DYRK1A: variants seen among roughly 807,000 people sequenced by gnomAD.
The protein encoded by DYRK1A is dual specificity tyrosine phosphorylation regulated kinase 1A.
In DYRK1A, 9 loss-of-function variants were observed where a neutral mutation model predicts 79.7. The ratio of observed to expected loss-of-function variants is 0.11; its 90% CI spans 0.07 to 0.20. The LOEUF is 0.20. Ranked by LOEUF, DYRK1A falls within the 10% of genes least tolerant of loss-of-function variation. The pLI, the probability that DYRK1A is intolerant of heterozygous loss-of-function variation, is 1.00. For synonymous variants in DYRK1A, 349 were observed against 329.7 expected, an observed-to-expected ratio of 1.06 and a Z score of -0.63; for missense variants, 622 against 956.0, an observed-to-expected ratio of 0.65 and a Z score of 4.61.
At chr21:37,503,612 G>A (rs914694548) in intron 9 of DYRK1A, 2 of 152,200 alleles carry the variant, frequency 1.3e-5, no homozygotes, top group African/African-American at 4.8e-5. Context: ...TTGTAGGAAC[G>A]GGGTCTGGCT....
At chr21:37,488,673 A>G (rs1241694800) in intron 6 of DYRK1A, 47 of 985,278 alleles carry the variant, frequency 4.8e-5, no homozygotes, top group Non-Finnish European at 5.7e-5. Context: ...ATACTAAGTA[A>G]ATGAATAAAG....
intron 2 of DYRK1A, among the ~76,000 whole-genome samples, chr21:37,457,559 G>A (rs554839504): frequency 2.0e-5 from 3 of 152,156 alleles, no homozygotes; most frequent in South Asian, 2.1e-4. Flanking sequence ...CTTTTAAAGC[G>A]TCTCTGGTCA....
chr21:37,370,972 A>T (rs1429004701), intron 1 of DYRK1A, among the ~76,000 whole-genome samples: 1 of 152,180 alleles, frequency 6.6e-6, no homozygotes. Flanking sequence ...TGTTATCTTG[A>T]CTGTTGGGCA....
rs1022302776 is a variant in DYRK1A at position 37,525,040 on chromosome 21, A to T, written c.*12509A>T. 6.6e-6 allele frequency: 1 copy of T among 152,370 alleles called. No individual in the cohort carries two copies. The highest frequency in any genetic ancestry group is 1.9e-4 in the East Asian group (1 of 5,212). 9.4% of individuals were successfully genotyped at this position (152,370 alleles called of 1,614,324 possible). On this transcript the variant is annotated 3_prime_UTR_variant, in exon 12 of 12. Coordinates refer to ENST00000647188, the MANE Select transcript of DYRK1A (RefSeq NM_001347721.2). ...CTTGAACCCAGGAGGTGGAGGTTGC[A>T]GTGAGCTGAGATTGCACCACTGTAC...
chr21:37,430,350 G>A (rs936760006), intron 2 of DYRK1A: 3 of 984,692 alleles, frequency 3.0e-6, no homozygotes, highest in African/African-American at 1.7e-5. Context: ...ATGTGATACT[G>A]TGTCACTGAG....
At chr21:37,507,474 T>C (rs1216194837) in intron 11 of DYRK1A, among the ~76,000 whole-genome samples, 1 of 152,186 alleles carries the variant, frequency 6.6e-6, no homozygotes, top group African/African-American at 2.4e-5. Context: ...AAGACCTCTT[T>C]GCTTGTTCCA....
At chr21:37,420,236 C>T (rs2050439173) in intron 1 of DYRK1A, 63 bp from the exon 2 acceptor site, 2 of 541,808 alleles carry the variant, frequency 3.7e-6, no homozygotes, top group Admixed American at 3.6e-5. Flanking sequence ...GTTAGATATT[C>T]CTCAGTTGGG....
intron 10 of DYRK1A, 111 bp downstream of exon 10, chr21:37,505,700 C>T: frequency 2.5e-6 from 3 of 1,191,730 alleles, no homozygotes; most frequent in African/African-American, 1.5e-5. Context: ...GGAGCAGTTA[C>T]TTTACTTAAA....
At chr21:37,390,850 G>A (rs538538784) in intron 1 of DYRK1A, among the ~76,000 whole-genome samples, 1 of 152,296 alleles carries the variant, frequency 6.6e-6, no homozygotes, top group Non-Finnish European at 1.5e-5. Context: ...GATTACAGGC[G>A]TGAGCCACCA....
intron 1 of DYRK1A, among the ~76,000 whole-genome samples, chr21:37,416,264 T>C (rs2050335794): frequency 6.6e-6 from 1 of 151,746 alleles, no homozygotes; most frequent in Admixed American, 6.6e-5. Context: ...CCTGTAGTTT[T>C]ACTAACCATT....
Position 37,378,739 on chromosome 21 carries a change from A to G in DYRK1A, c.-77+11111A>G, listed in dbSNP as rs142353941. On this transcript the variant is annotated intron_variant, in intron 1 of 11. Transcript: ENST00000647188. Reference sequence around the variant, plus strand: ...ATAAAAGTGAATAAGGTTTGGTTACATCTGCTTTTAATGTTGAGATAGGTG... The same window carrying G: ...ATAAAAGTGAATAAGGTTTGGTTACGTCTGCTTTTAATGTTGAGATAGGTG... Among the ~76,000 whole-genome samples, 771 of 152,294 alleles carry G rather than the reference A, an allele frequency of 5.1e-3. 1 individual carries two copies. The highest frequency in any genetic ancestry group is 8.7e-3 in the Non-Finnish European group (593 of 68,018).
rs1358262736 is a variant in DYRK1A at position 37,516,942 on chromosome 21, C to G, written c.*4411C>G. The G allele has an allele frequency of 1.3e-5, 2 of 152,160 alleles. No homozygotes were observed. Among genetic ancestry groups the G allele is most frequent in the African/African-American group, 2.4e-5 (1 of 41,422 alleles). The allele number at this position is 152,160 out of a possible 1,614,324, so 9.4% of individuals were successfully genotyped here. On this transcript the variant is annotated 3_prime_UTR_variant, in exon 12 of 12. Transcript: ENST00000647188. ...TCTCTTCCAGTATGCAGCTGCTGTA[C>G]CTGAAAATTTTTCCCCATAATTTCC...
intron 1 of DYRK1A, among the ~76,000 whole-genome samples, chr21:37,386,206 A>G (rs540489965): frequency 2.0e-5 from 3 of 152,280 alleles, no homozygotes; most frequent in African/African-American, 7.2e-5. Flanking sequence ...TTGTATAATT[A>G]TTTCACTATA....
intron 3 of DYRK1A, among the ~76,000 whole-genome samples, chr21:37,475,616 G>A (rs1474059224): frequency 6.6e-6 from 1 of 152,210 alleles, no homozygotes; most frequent in East Asian, 1.9e-4. Flanking sequence ...AATGCAGGAT[G>A]TTGTTTGAAG....
chr21:37,497,574 C>CT (rs2053310919), intron 9 of DYRK1A, among the ~76,000 whole-genome samples: 1 of 152,128 alleles, frequency 6.6e-6, no homozygotes, highest in African/African-American at 2.4e-5. Flanking sequence ...GAAATTAAAT[C>CT]TTTTTTATGT....
At chr21:37,376,540 T>C (rs1403500996) in intron 1 of DYRK1A, among the ~76,000 whole-genome samples, 2 of 152,108 alleles carry the variant, frequency 1.3e-5, no homozygotes, top group Non-Finnish European at 2.9e-5. Context: ...CCTTGTGGTA[T>C]GGTCATGGGA....
chr21:37,478,391 T>A, intron 4 of DYRK1A, 91 bp downstream of exon 4: 1 of 1,041,756 alleles, frequency 9.6e-7, no homozygotes, highest in Non-Finnish European at 1.4e-6. Context: ...TTTTTTTCAT[T>A]CCTAGTAGTT....
intron 1 of DYRK1A, among the ~76,000 whole-genome samples, chr21:37,371,170 A>G (rs914183446): frequency 1.3e-5 from 2 of 152,236 alleles, no homozygotes; most frequent in Non-Finnish European, 2.9e-5. Context: ...GCCTTATGTC[A>G]GTGCTACAAT....
At chr21:37,456,489 T>C (rs77206924) in intron 2 of DYRK1A, among the ~76,000 whole-genome samples, 1 of 152,216 alleles carries the variant, frequency 6.6e-6, no homozygotes, top group Non-Finnish European at 1.5e-5. Flanking sequence ...ACACGGGTGA[T>C]GAGCAGGCTG....
Sources: gnomAD v4.1 joint callset for allele counts (sites outside exome capture counted in the v4.1 genomes callset) on GRCh38, gnomAD v4.1.1 for gene constraint, MANE v1.5 for transcripts, NCBI Gene and HGNC (gene_info 2026-07-23, HGNC 2026-07-21) for gene names.